The following ANXA8 variants were observed in gnomAD, a reference collection of about 807,000 sequenced individuals.
ANXA8 encodes annexin A8.
Under a neutral mutation model 26.8 loss-of-function variants are expected in ANXA8, and 9 were observed. The ratio of observed to expected loss-of-function variants is 0.34; its 90% CI spans 0.20 to 0.59. The LOEUF (loss-of-function observed/expected upper bound fraction) is 0.59. Ranked by LOEUF, ANXA8 falls within the 20% of genes least tolerant of loss-of-function variation. The probability of loss-of-function intolerance (pLI) is 0.84; values close to 1 mark genes in which losing one functional copy is unlikely to be tolerated. For missense variants in ANXA8, 83 were observed against 238.5 expected (o/e 0.35, Z 4.29); for synonymous variants, 39 against 94.8 (o/e 0.41, Z 3.42).
chr10:47,694,445 G>T, the ANXA8 span, among the ~76,000 whole-genome samples: 1 of 139,182 alleles, frequency 7.2e-6, no homozygotes, highest in East Asian at 2.1e-4. Flanking sequence ...TTTTGAGATG[G>T]AGTCTTGCTC....
At chr10:47,928,997 T>G in the ANXA8 span, among the ~76,000 whole-genome samples, 1 of 20,742 alleles carries the variant, frequency 4.8e-5, no homozygotes, top group African/African-American at 1.8e-4. Context: ...CTGGTTTTCC[T>G]TTTTTTTTTC....
At chr10:47,591,564 C>T in the ANXA8 span, among the ~76,000 whole-genome samples, 3 of 141,708 alleles carry the variant, frequency 2.1e-5, no homozygotes, top group Non-Finnish European at 4.5e-5. Context: ...CTGCCTCAGC[C>T]TCCCAAGTAG....
the ANXA8 span, chr10:47,491,777 C>T: frequency 6.7e-7 from 1 of 1,491,390 alleles, no homozygotes; most frequent in Non-Finnish European, 9.1e-7. Flanking sequence ...AATAAGCCCT[C>T]ACCCCAGCCC....
the ANXA8 span, among the ~76,000 whole-genome samples, chr10:47,501,644 G>A: frequency 7.1e-6 from 1 of 140,984 alleles, no homozygotes; most frequent in Non-Finnish European, 1.5e-5. Context: ...AGGAGGCAGA[G>A]CTTGCAGTGA....
At chr10:47,765,157 T>TTC in the ANXA8 span, among the ~76,000 whole-genome samples, 1 of 146,922 alleles carries the variant, frequency 6.8e-6, no homozygotes, top group Non-Finnish European at 1.5e-5. Flanking sequence ...CTCAAGATCA[T>TTC]TAACTTAATC....
chr10:47,624,026 G>A, the ANXA8 span, among the ~76,000 whole-genome samples: 2 of 100,298 alleles, frequency 2.0e-5, no homozygotes, highest in Non-Finnish European at 2.1e-5. Context: ...CGCGAGGTCA[G>A]GAGATCGAGA....
chr10:47,639,946 T>A, the ANXA8 span, among the ~76,000 whole-genome samples: 1 of 149,086 alleles, frequency 6.7e-6, no homozygotes, highest in Non-Finnish European at 1.5e-5. Context: ...TCCACCTATA[T>A]AATTTTTGTA....
intron 4 of ANXA8, 120 bp from the exon 5 acceptor site, chr10:47,476,442 A>C (rs1314273275): frequency 9.5e-7 from 1 of 1,054,758 alleles, no homozygotes; most frequent in Non-Finnish European, 1.3e-6. Context: ...CCCCACTTGA[A>C]GTGGGAGGAT....
the ANXA8 span, among the ~76,000 whole-genome samples, chr10:47,595,282 T>C: frequency 2.7e-5 from 4 of 147,468 alleles, no homozygotes; most frequent in Admixed American, 2.0e-4. Context: ...AATGTGGACA[T>C]GAAAGAACAA....
chr10:47,520,880 G>T, the ANXA8 span, among the ~76,000 whole-genome samples: 1 of 130,420 alleles, frequency 7.7e-6, no homozygotes. Flanking sequence ...GGTAAATTTT[G>T]GCTTTGAGTT....
chr10:47,488,486 C>T (rs1369692608), upstream of ANXA8, among the ~76,000 whole-genome samples: 2 of 150,746 alleles, frequency 1.3e-5, no homozygotes, highest in Non-Finnish European at 2.9e-5. Flanking sequence ...GCTAGGATTA[C>T]AGGCGTGAGC....
chr10:47,733,471 G>A, the ANXA8 span, among the ~76,000 whole-genome samples: 36 of 122,774 alleles, frequency 2.9e-4, no homozygotes, highest in African/African-American at 9.7e-4. Flanking sequence ...ATCTGAGGCC[G>A]TAAGTTGTTT....
chr10:47,973,875 C>T, the ANXA8 span, among the ~76,000 whole-genome samples: 5 of 151,220 alleles, frequency 3.3e-5, no homozygotes, highest in South Asian at 1.0e-3. Flanking sequence ...TAGAATTTAG[C>T]TGTGAATCCA....
At chr10:47,639,338 A>G in the ANXA8 span, among the ~76,000 whole-genome samples, 3 of 109,124 alleles carry the variant, frequency 2.7e-5, no homozygotes, top group Non-Finnish European at 3.6e-5. Context: ...TTTGAGACGG[A>G]GTCTAGCTCT....
At chr10:47,956,889 G>C in the ANXA8 span, among the ~76,000 whole-genome samples, 1 of 150,060 alleles carries the variant, frequency 6.7e-6, no homozygotes, top group Non-Finnish European at 1.5e-5. Context: ...ATCCACAAAC[G>C]CCTTGGTGTT....
chr10:47,605,725 A>G, the ANXA8 span, among the ~76,000 whole-genome samples: 1 of 150,738 alleles, frequency 6.6e-6, no homozygotes, highest in Non-Finnish European at 1.5e-5. Flanking sequence ...AAATAGACAA[A>G]TTTCCAGCCA....
chr10:47,720,961 A>G, the ANXA8 span, among the ~76,000 whole-genome samples: 8 of 136,204 alleles, frequency 5.9e-5, no homozygotes. Context: ...AGCCTGGGAA[A>G]CATAGGGAAA....
the ANXA8 span, among the ~76,000 whole-genome samples, chr10:47,660,377 G>A: frequency 6.6e-6 from 1 of 151,076 alleles, no homozygotes; most frequent in Non-Finnish European, 1.5e-5. Flanking sequence ...TTCAGCAAAA[G>A]TGGTATTTTC....
chr10:47,646,242 A>G, the ANXA8 span, among the ~76,000 whole-genome samples: 12 of 132,698 alleles, frequency 9.0e-5, no homozygotes, highest in Middle Eastern at 7.2e-3. Flanking sequence ...CTTACAACTC[A>G]CTTGCCAGCT....
Sources: gnomAD v4.1 joint callset for allele counts (sites outside exome capture counted in the v4.1 genomes callset) on GRCh38, gnomAD v4.1.1 for gene constraint, MANE v1.5 for transcripts, NCBI Gene and HGNC (gene_info 2026-07-23, HGNC 2026-07-21) for gene names.